Variants in MYBL1 observed in about 807,000 individuals in gnomAD.
MYBL1 encodes the protein myb-related protein A.
A neutral mutation model predicts 96.3 loss-of-function variants in MYBL1; 17 were observed. The ratio of observed to expected loss-of-function variants is 0.18; its 90% CI spans 0.12 to 0.26. The LOEUF (loss-of-function observed/expected upper bound fraction) is 0.26, where lower values mean the gene tolerates loss of function less well. Among genes scored for constraint, MYBL1 ranks in the 10% least tolerant of loss-of-function variants. The pLI is 1.00. For synonymous variants in MYBL1, 282 were observed against 292.7 expected (o/e 0.96, Z 0.37); for missense variants, 701 against 882.9 (o/e 0.79, Z 2.61).
intron 3 of MYBL1, among the ~76,000 whole-genome samples, chr8:66,599,604 C>G (rs1419844454): frequency 6.6e-6 from 1 of 152,074 alleles, no homozygotes; most frequent in African/African-American, 2.4e-5. Flanking sequence ...AGTTCGAGAC[C>G]AGCCTGACCA....
In MYBL1 at chr8:66,605,019, T is replaced by C. The variant is rs142532429; in HGVS notation, c.21-2496A>G. Among the ~76,000 whole-genome samples the C allele has an allele frequency of 4.1e-3, 625 of 152,292 alleles. 9 individuals carry two copies. Among genetic ancestry groups the C allele is most frequent in the African/African-American group, 0.015 (603 of 41,540 alleles). On this transcript the variant is annotated intron_variant, in intron 1 of 15. Transcript: ENST00000522677. ...CAACAGAGACATAATACAAGCCACATATGTAATTTTCTAGTAGCCACATTT... is the reference window on the plus strand; with the variant it reads ...CAACAGAGACATAATACAAGCCACACATGTAATTTTCTAGTAGCCACATTT...
At position 66,573,002 on chromosome 8, in the gene MYBL1, G is replaced by T. The variant is rs566787210; in HGVS notation, c.1613+362C>A. 1.1e-4 allele frequency among the ~76,000 whole-genome samples: 16 copies of T among 152,136 alleles called. No homozygotes were observed. In the South Asian group the frequency reaches 3.3e-3, roughly 32 times the overall value. On this transcript the variant is annotated intron_variant, in intron 11 of 15. Transcript: ENST00000522677. ...GGCTGAGATGGGCAGATCACCTGAG[G>T]TCAGAAGTCCAAGACCAGCCTGGCC...
chr8:66,594,065 G>T (rs1180707857), intron 6 of MYBL1, among the ~76,000 whole-genome samples: 1 of 152,052 alleles, frequency 6.6e-6, no homozygotes, highest in Admixed American at 6.5e-5. Flanking sequence ...GAGCCCAGAA[G>T]GTTGAGGCTG....
intron 5 of MYBL1, 40 bp downstream of exon 5, chr8:66,597,290 G>T: frequency 7.2e-7 from 1 of 1,383,544 alleles, no homozygotes; most frequent in African/African-American, 1.5e-5. Flanking sequence ...TAAAGGTCAT[G>T]TTTAAGTACA....
At chr8:66,593,340 T>C (rs1809726599) in intron 6 of MYBL1, 146 bp from the exon 7 acceptor site, 3 of 498,826 alleles carry the variant, frequency 6.0e-6, no homozygotes. Flanking sequence ...ATACCTATAA[T>C]ACTTTCTTAT....
chr8:66,607,773 T>C (rs1271711497), intron 1 of MYBL1, among the ~76,000 whole-genome samples: 17 of 151,986 alleles, frequency 1.1e-4, no homozygotes, highest in Admixed American at 1.1e-3. Flanking sequence ...ATTTTAAATA[T>C]TCAATACAGA....
chr8:66,600,376 T>C (rs73250222), intron 3 of MYBL1, among the ~76,000 whole-genome samples: 4,288 of 152,302 alleles, frequency 0.028, 205 homozygotes, highest in African/African-American at 0.096. Flanking sequence ...TCAGCTTCAT[T>C]TATGGCTTCT....
intron 1 of MYBL1, among the ~76,000 whole-genome samples, chr8:66,610,609 T>G (rs1232953241): frequency 6.6e-6 from 1 of 152,112 alleles, no homozygotes; most frequent in African/African-American, 2.4e-5. Context: ...TATATTAAGA[T>G]ACTTAGGTAA....
chr8:66,577,448 A>G (rs1399122181), intron 9 of MYBL1, among the ~76,000 whole-genome samples: 3 of 150,792 alleles, frequency 2.0e-5, no homozygotes, highest in African/African-American at 7.3e-5. Context: ...ACAAACAGAG[A>G]GCCAAATCAT....
chr8:66,581,750 CA>C (rs1200711450), intron 8 of MYBL1, among the ~76,000 whole-genome samples: 11 of 151,842 alleles, frequency 7.2e-5, no homozygotes, highest in African/African-American at 2.7e-4. Context: ...TAGATAACAG[CA>C]GATTTATTTG....
rs1586601775 is a variant in MYBL1 at position 66,605,362 on chromosome 8, T to C, written c.21-2839A>G. Among the ~76,000 whole-genome samples, 5 of 152,170 alleles carry C rather than the reference T, an allele frequency of 3.3e-5. 1 individual carries two copies. The highest frequency in any genetic ancestry group is 3.3e-4 in the Admixed American group (5 of 15,290). The stretch of plus-strand genomic sequence containing the variant: ...TACAAGGTCTAGGGTAGAGATGCAG[T>C]TTTGGCCAGCATACAAAGAATAGCT... On this transcript the variant is annotated intron_variant, in intron 1 of 15. Coordinates refer to ENST00000522677, the MANE Select transcript of MYBL1 (RefSeq NM_001080416.4).
intron 12 of MYBL1, among the ~76,000 whole-genome samples, 162 bp downstream of exon 12, chr8:66,572,319 CA>C (rs895363048): frequency 7.4e-5 from 8 of 107,888 alleles, no homozygotes; most frequent in Middle Eastern, 4.9e-3. Context: ...GACTCCGTCT[CA>C]AAAAAAAAAC....
At chr8:66,606,621 A>T (rs1367193730) in intron 1 of MYBL1, among the ~76,000 whole-genome samples, 3 of 152,194 alleles carry the variant, frequency 2.0e-5, no homozygotes, top group Admixed American at 2.0e-4. Context: ...TGTCAATTCC[A>T]TTGGAACAAA....
chr8:66,589,280 T>C lies in MYBL1; in HGVS notation c.867+3160A>G, dbSNP rs867679764. Among the ~76,000 whole-genome samples the C allele has an allele frequency of 4.6e-5, 7 of 151,986 alleles. No homozygotes were observed. The South Asian group carries it at 6.2e-4, about 14-fold the overall frequency. On this transcript the variant is annotated intron_variant, in intron 8 of 15. Coordinates refer to ENST00000522677, the MANE Select transcript of MYBL1 (RefSeq NM_001080416.4). ...AAATGGTTTAAACATGATATAATCA[T>C]CTACAAATGCTGATTCTCTAACCAT...
intron 1 of MYBL1, among the ~76,000 whole-genome samples, chr8:66,609,567 T>G (rs1189647613): frequency 2.0e-5 from 3 of 152,132 alleles, no homozygotes; most frequent in Non-Finnish European, 4.4e-5. Context: ...AATATTTTAT[T>G]TCCAAATCTG....
chr8:66,612,004 G>C (rs1399070900), intron 1 of MYBL1: 1 of 152,200 alleles, frequency 6.6e-6, no homozygotes, highest in Non-Finnish European at 1.5e-5. Context: ...TAATTTATGA[G>C]TAGCTGCTGT....
chr8:66,581,076 G>A (rs1470952394), intron 8 of MYBL1, among the ~76,000 whole-genome samples: 1 of 151,898 alleles, frequency 6.6e-6, no homozygotes, highest in East Asian at 1.9e-4. Flanking sequence ...TGGCCAGGCT[G>A]GTCTCAAACT....
chr8:66,589,104 A>G (rs1809534871), intron 8 of MYBL1, among the ~76,000 whole-genome samples: 1 of 152,200 alleles, frequency 6.6e-6, no homozygotes, highest in Non-Finnish European at 1.5e-5. Flanking sequence ...CAGAATATAC[A>G]CTTATTCAAC....
chr8:66,601,409 TA>T (rs1810068009), intron 3 of MYBL1, among the ~76,000 whole-genome samples: 2 of 152,108 alleles, frequency 1.3e-5, no homozygotes, highest in South Asian at 4.1e-4. Flanking sequence ...CAGAATGTTT[TA>T]ACGTGTATTA....
Sources: allele counts gnomAD v4.1 joint callset (sites outside exome capture counted in the v4.1 genomes callset), GRCh38; gene constraint gnomAD v4.1.1; transcripts MANE v1.5; gene names NCBI Gene and HGNC (gene_info 2026-07-23, HGNC 2026-07-21).